LRRC37A2: variants seen among roughly 807,000 people sequenced by gnomAD.
LRRC37A2 encodes leucine rich repeat containing 37 member A2.
In LRRC37A2, 9 loss-of-function variants were observed where a neutral mutation model predicts 68.8. The ratio of observed to expected loss-of-function variants is 0.13; its 90% CI spans 0.08 to 0.23. The LOEUF is 0.23. LRRC37A2 is among the 10% of genes least tolerant of loss of function. The pLI, the probability that LRRC37A2 is intolerant of heterozygous loss-of-function variation, is 1.00. For missense variants in LRRC37A2, 168 were observed against 950.4 expected, an observed-to-expected ratio of 0.18 and a Z score of 10.82; for synonymous variants, 63 against 367.6, an observed-to-expected ratio of 0.17 and a Z score of 9.48.
At chr17:46,936,317 G>A in the LRRC37A2 span, 1 of 985,324 alleles carries the variant, frequency 1.0e-6, no homozygotes, top group Non-Finnish European at 1.2e-6. Flanking sequence ...AAGAGCCAGT[G>A]GGGGTTAGAG....
chr17:46,994,529 G>C, the LRRC37A2 span, among the ~76,000 whole-genome samples: 1 of 151,982 alleles, frequency 6.6e-6, no homozygotes, highest in Non-Finnish European at 1.5e-5. Context: ...ACTTGGGTGT[G>C]TTTATTTTGT....
the LRRC37A2 span, among the ~76,000 whole-genome samples, chr17:46,986,199 T>C: frequency 6.6e-6 from 1 of 152,172 alleles, no homozygotes. Flanking sequence ...CACCGACTAA[T>C]ATTTTGTGCC....
At chr17:46,935,298 T>C in the LRRC37A2 span, 2 of 1,559,312 alleles carry the variant, frequency 1.3e-6, no homozygotes, top group Non-Finnish European at 1.7e-6. Flanking sequence ...ACAGAGCCCT[T>C]GAGTTTGGGA....
the LRRC37A2 span, among the ~76,000 whole-genome samples, chr17:47,000,078 A>ATAAAAT: frequency 3.2e-3 from 16 of 5,078 alleles, no homozygotes; most frequent in East Asian, 0.058. Flanking sequence ...ATAAAATAAA[A>ATAAAAT]AATAAAATAA....
At chr17:46,989,522 C>T in the LRRC37A2 span, among the ~76,000 whole-genome samples, 5 of 152,226 alleles carry the variant, frequency 3.3e-5, no homozygotes, top group African/African-American at 1.2e-4. Flanking sequence ...AATCTTAGTA[C>T]TCTTCTGCCT....
chr17:46,495,590 G>A, the LRRC37A2 span, among the ~76,000 whole-genome samples: 3 of 150,410 alleles, frequency 2.0e-5, no homozygotes, highest in Admixed American at 2.0e-4. Context: ...TCACCATGTT[G>A]GCCAGGCTGG....
chr17:46,627,481 C>T, the LRRC37A2 span, among the ~76,000 whole-genome samples: 1 of 139,142 alleles, frequency 7.2e-6, no homozygotes, highest in African/African-American at 2.7e-5. Flanking sequence ...TTGATGGATT[C>T]TGTAGAATCC....
At chr17:46,979,177 G>T in the LRRC37A2 span, 1 of 676,246 alleles carries the variant, frequency 1.5e-6, no homozygotes, top group Non-Finnish European at 2.2e-6. Flanking sequence ...GCCTACCCCT[G>T]GGCACCGGGC....
chr17:46,932,488 A>G, the LRRC37A2 span: 4 of 593,786 alleles, frequency 6.7e-6, no homozygotes, highest in Non-Finnish European at 9.0e-6. Flanking sequence ...GGAAGTTCAC[A>G]TGGTGGAAAC....
chr17:46,929,534 TC>T, the LRRC37A2 span: 1 of 1,558,474 alleles, frequency 6.4e-7, no homozygotes, highest in Non-Finnish European at 8.9e-7. Context: ...GTCCACGAGA[TC>T]CAGTCTTGCA....
At chr17:46,496,712 C>T in the LRRC37A2 span, among the ~76,000 whole-genome samples, 3 of 131,938 alleles carry the variant, frequency 2.3e-5, no homozygotes, top group Admixed American at 7.7e-5. Context: ...GTCGGGAGTT[C>T]GAGACCAGCC....
At chr17:46,753,495 TTTGTTTAGACTTATTC>T in the LRRC37A2 span, among the ~76,000 whole-genome samples, 3 of 152,180 alleles carry the variant, frequency 2.0e-5, no homozygotes, top group African/African-American at 7.2e-5. Context: ...GACTAACCAC[TTTGTTTAGACTTATTC>T]TTGGTAAAAG....
chr17:46,782,906 T>C, the LRRC37A2 span, among the ~76,000 whole-genome samples: 4 of 152,200 alleles, frequency 2.6e-5, no homozygotes, highest in Admixed American at 6.5e-5. Context: ...GACATTTCAG[T>C]GCAGGGCCAA....
the LRRC37A2 span, among the ~76,000 whole-genome samples, chr17:46,968,328 T>C: frequency 6.6e-6 from 1 of 152,202 alleles, no homozygotes; most frequent in Non-Finnish European, 1.5e-5. Flanking sequence ...TCTGAATCTT[T>C]AGGGAAAAAA....
At chr17:46,900,202 T>TATACATACATATATATATACACAC in the LRRC37A2 span, among the ~76,000 whole-genome samples, 2 of 101,170 alleles carry the variant, frequency 2.0e-5, no homozygotes, top group African/African-American at 1.0e-4. Context: ...TATATATATA[T>TATACATACATATATATATACACAC]ACACACACAC....
At position 46,550,578 on chromosome 17, in the gene LRRC37A2, G is replaced by A. The variant is rs762349620; in HGVS notation, c.4809+59G>A. The stretch of plus-strand genomic sequence containing the variant: ...GCAGTCCTGTCTTTGTGTGGATTCA[G>A]AGCTCACAAACTGAAAACCAAAGCC... On this transcript the variant is annotated intron_variant, in intron 11 of 14. Coordinates refer to ENST00000576629, the Ensembl canonical transcript of LRRC37A2. 1.3e-5 allele frequency: 7 copies of A among 546,066 alleles called. No homozygotes were observed. The East Asian group carries it at 1.9e-4, about 14-fold the overall frequency. 33.8% of individuals were successfully genotyped at this position (546,066 alleles called of 1,614,324 possible). A position where few individuals can be genotyped will look rare whatever the true frequency, so the allele number is the denominator to read the frequency against.
At chr17:46,761,797 G>A in the LRRC37A2 span, among the ~76,000 whole-genome samples, 1 of 152,248 alleles carries the variant, frequency 6.6e-6, no homozygotes, top group Non-Finnish European at 1.5e-5. Flanking sequence ...AGGATTGTCT[G>A]TTGTCATAAA....
the LRRC37A2 span, chr17:46,422,421 GATCAAAC>G: frequency 8.1e-5 from 9 of 110,814 alleles, no homozygotes; most frequent in South Asian, 9.3e-4. Flanking sequence ...ATGATCTGAG[GATCAAAC>G]TATTATATTA....
At chr17:46,828,795 CA>C in the LRRC37A2 span, among the ~76,000 whole-genome samples, 2,013 of 110,222 alleles carry the variant, frequency 0.018, 18 homozygotes, top group African/African-American at 0.039. Flanking sequence ...CCTATCTCTA[CA>C]AAAAAAAAAA....
Sources: allele counts gnomAD v4.1 joint callset (sites outside exome capture counted in the v4.1 genomes callset), GRCh38; gene constraint gnomAD v4.1.1; transcripts MANE v1.5; gene names NCBI Gene and HGNC (gene_info 2026-07-23, HGNC 2026-07-21).